TUB: variants seen among roughly 807,000 people sequenced by gnomAD.
TUB encodes TUB bipartite transcription factor, also known as tubby protein homolog.
In TUB, 33 loss-of-function variants were observed where a neutral mutation model predicts 59.7. That is an observed-to-expected ratio of 0.55 (90% CI 0.42 to 0.74). The LOEUF (loss-of-function observed/expected upper bound fraction) is 0.74. Among genes scored for constraint, TUB ranks in the 30% least tolerant of loss-of-function variants. The pLI is 0.00. For missense variants in TUB, 659 were observed against 672.0 expected (o/e 0.98, Z 0.21); for synonymous variants, 293 against 256.4 (o/e 1.14, Z -1.36).
chr11:8,049,359 A>G (rs906634000), intron 2 of TUB, among the ~76,000 whole-genome samples: 6 of 152,086 alleles, frequency 3.9e-5, no homozygotes, highest in Non-Finnish European at 2.9e-5. Context: ...TCCTAGACCA[A>G]CTAAATCAGA....
In TUB at chr11:8,099,287, A is replaced by G. The variant is rs183446652; in HGVS notation, c.1116+412A>G. On this transcript the variant is annotated intron_variant, in intron 9 of 11. Transcript: ENST00000299506. ...GAGGTAGATCCTATTTTCTTTATAG[A>G]TGAGGAAACTGAAGCTCAGCTGCAG... Among the ~76,000 whole-genome samples, 5 of 152,284 alleles carry G rather than the reference A, an allele frequency of 3.3e-5. No individual in the cohort carries two copies. The East Asian group carries it at 9.6e-4, about 29-fold the overall frequency.
chr11:8,084,588 G>T (rs1350376691), intron 1 of TUB, among the ~76,000 whole-genome samples: 1 of 152,160 alleles, frequency 6.6e-6, no homozygotes, highest in Non-Finnish European at 1.5e-5. Context: ...TGTCCTCATG[G>T]TCCTGAGGCC....
chr11:8,081,269 G>C lies in TUB; in HGVS notation c.-242G>C, dbSNP rs1338569244. ...GTGCGGTCGGCCTCCCCGCCTCCAC[G>C]CGCGCGCACGACCCGCGCACTCCCG... On this transcript the variant is annotated 5_prime_UTR_variant, in exon 1 of 12. Coordinates refer to ENST00000299506, the MANE Select transcript of TUB (RefSeq NM_177972.3). 1.5e-6 allele frequency: 1 copy of C among 686,602 alleles called. No individual in the cohort carries two copies. The highest frequency in any genetic ancestry group is 2.0e-5 in the African/African-American group (1 of 51,254). The allele number at this position is 686,602 out of a possible 1,614,324, so 42.5% of individuals were successfully genotyped here.
At chr11:8,068,608 C>T (rs1357195113) in intron 2 of TUB, 2 of 152,430 alleles carry the variant, frequency 1.3e-5, no homozygotes, top group African/African-American at 4.8e-5. Context: ...GCTTCCTCAC[C>T]CCGTCTACCT....
Position 8,098,894 on chromosome 11 carries a change from G to A in TUB, c.1116+19G>A, listed in dbSNP as rs542296292. The A allele has an allele frequency of 6.4e-7, 1 of 1,566,142 alleles. No individual in the cohort carries two copies. The highest frequency in any genetic ancestry group is 1.4e-5 in the African/African-American group (1 of 73,938). ...GTGCTACGTGAGTCCTAGGTTCGGG[G>A]GTCTCTGATTTCCAAGGTAGATATG... On this transcript the variant is annotated intron_variant, in intron 9 of 11. Transcript: ENST00000299506.
At chr11:8,079,496 T>C (rs961135237), upstream of TUB, among the ~76,000 whole-genome samples, 29 of 152,248 alleles carry the variant, frequency 1.9e-4, no homozygotes, top group African/African-American at 6.5e-4. Context: ...CCCAGGTGTT[T>C]TATTTTGTCT....
At chr11:8,091,225 A>G (rs1943765712) in intron 3 of TUB, among the ~76,000 whole-genome samples, 2 of 152,152 alleles carry the variant, frequency 1.3e-5, no homozygotes, top group South Asian at 2.1e-4. Flanking sequence ...CCACTGACCC[A>G]TAGCTCCCTG....
chr11:8,089,950 G>C (rs1943739303), intron 2 of TUB, 119 bp from the exon 3 acceptor site: 1 of 1,379,852 alleles, frequency 7.2e-7, no homozygotes, highest in Non-Finnish European at 9.7e-7. Context: ...TGGACCCCAA[G>C]TGTTGGGGTG....
At chr11:8,035,146 A>G (rs1942628615), upstream of TUB, among the ~76,000 whole-genome samples, 1 of 152,232 alleles carries the variant, frequency 6.6e-6, no homozygotes, top group Non-Finnish European at 1.5e-5. Flanking sequence ...TCAGTAATTA[A>G]GATAAATGAT....
At chr11:8,084,041 G>C (rs1186103030) in intron 1 of TUB, among the ~76,000 whole-genome samples, 1 of 152,190 alleles carries the variant, frequency 6.6e-6, no homozygotes, top group Non-Finnish European at 1.5e-5. Flanking sequence ...TTGCAGATGG[G>C]AGTGGGGGCA....
At chr11:8,061,288 C>T (rs1943120688) in intron 2 of TUB, among the ~76,000 whole-genome samples, 1 of 152,242 alleles carries the variant, frequency 6.6e-6, no homozygotes, top group African/African-American at 2.4e-5. Flanking sequence ...CAGAGCTTCC[C>T]TCAAACCTTG....
At chr11:8,082,827 C>T (rs1264388941) in intron 1 of TUB, among the ~76,000 whole-genome samples, 3 of 152,218 alleles carry the variant, frequency 2.0e-5, no homozygotes, top group Admixed American at 2.0e-4. Context: ...GAATTGTTAC[C>T]TCTAATCTCA....
At position 8,090,203 on chromosome 11, in the gene TUB, C is replaced by T. The variant is rs377140152; in HGVS notation, c.225C>T (p.Leu75=). ...EEQAPLVESY[L]SSSGSTSYQV... is the part of the protein sequence containing the mutation. ...AAGCCCCCCTGGTGGAGTCCTACCT[C>T]AGCAGCAGTGGCAGCACCAGCTACC... The change falls in exon 3 of 12, where the codon CTC becomes CTT. Residue 75 remains leucine, a synonymous_variant. Coordinates refer to ENST00000299506, the MANE Select transcript of TUB (RefSeq NM_177972.3). 7.4e-6 allele frequency: 12 copies of T among 1,613,670 alleles called. No homozygotes were observed. The highest frequency in any genetic ancestry group is 1.1e-5 in the South Asian group (1 of 91,080).
chr11:8,086,422 G>A (rs1943666923), intron 1 of TUB, among the ~76,000 whole-genome samples: 1 of 152,132 alleles, frequency 6.6e-6, no homozygotes, highest in African/African-American at 2.4e-5. Context: ...AGCCAGGGGA[G>A]CTTTTGGTGC....
At chr11:8,096,428 G>A (rs900582085) in intron 5 of TUB, among the ~76,000 whole-genome samples, 60 of 152,330 alleles carry the variant, frequency 3.9e-4, no homozygotes, top group African/African-American at 1.4e-3. Flanking sequence ...AAACTGGGTG[G>A]TGGGGATATA....
At chr11:8,083,530 C>T (rs1943610142) in intron 1 of TUB, among the ~76,000 whole-genome samples, 1 of 152,136 alleles carries the variant, frequency 6.6e-6, no homozygotes, top group Admixed American at 6.5e-5. Flanking sequence ...CCTGTTCTAG[C>T]AAGTGCCTAG....
chr11:8,033,180 C>A (rs1942600680), intron 1 of TUB, among the ~76,000 whole-genome samples: 4 of 152,334 alleles, frequency 2.6e-5, no homozygotes, highest in Non-Finnish European at 4.4e-5. Context: ...GCCCATCGTG[C>A]CCCACTTCCT....
chr11:8,053,577 T>C (rs1287982760), intron 2 of TUB, among the ~76,000 whole-genome samples: 1 of 151,698 alleles, frequency 6.6e-6, no homozygotes, highest in African/African-American at 2.4e-5. Context: ...CTCGGCTCAC[T>C]GCAAGCTCCG....
chr11:8,063,662 A>C (rs925735453), intron 2 of TUB, among the ~76,000 whole-genome samples: 1 of 152,194 alleles, frequency 6.6e-6, no homozygotes, highest in African/African-American at 2.4e-5. Context: ...ATGGCTATGA[A>C]TATCTCTGTA....
Sources: allele counts gnomAD v4.1 joint callset (sites outside exome capture counted in the v4.1 genomes callset), GRCh38; gene constraint gnomAD v4.1.1; transcripts MANE v1.5; gene names NCBI Gene and HGNC (gene_info 2026-07-23, HGNC 2026-07-21).